DPYD: variants seen among roughly 807,000 people sequenced by gnomAD.
DPYD encodes dihydropyrimidine dehydrogenase [NADP(+)].
Under a neutral mutation model 116.2 loss-of-function variants are expected in DPYD, and 109 were observed. That is an observed-to-expected ratio of 0.94 (90% CI 0.80 to 1.10). DPYD has a LOEUF of 1.10. Ranked by LOEUF, DPYD falls within the 50% of genes least tolerant of loss-of-function variation. DPYD has a pLI of 0.00. For synonymous variants in DPYD, 440 were observed against 432.0 expected, an observed-to-expected ratio of 1.02 and a Z score of -0.23; for missense variants, 1,302 against 1,254.5, an observed-to-expected ratio of 1.04 and a Z score of -0.57.
intron 14 of DPYD, among the ~76,000 whole-genome samples, chr1:97,411,146 A>T (rs566625856): frequency 3.3e-5 from 5 of 152,294 alleles, no homozygotes; most frequent in Admixed American, 2.6e-4. Context: ...TGAGACATAA[A>T]GATTTTCATT....
intron 8 of DPYD, among the ~76,000 whole-genome samples, chr1:97,654,391 A>T (rs1352767991): frequency 6.6e-6 from 1 of 152,158 alleles, no homozygotes; most frequent in Non-Finnish European, 1.5e-5. Context: ...ATCAGCCAAT[A>T]TATAAAGATT....
intron 4 of DPYD, among the ~76,000 whole-genome samples, chr1:97,726,198 T>C (rs1009124962): frequency 6.6e-6 from 1 of 151,570 alleles, no homozygotes; most frequent in Non-Finnish European, 1.5e-5. Context: ...AACATGTACA[T>C]TCATAGGTTG....
intron 13 of DPYD, among the ~76,000 whole-genome samples, chr1:97,491,484 ATTTCCTT>A (rs1359063008): frequency 1.3e-5 from 2 of 151,832 alleles, no homozygotes; most frequent in Non-Finnish European, 2.9e-5. Context: ...CTGTGTCTTC[ATTTCCTT>A]TTTTAAGCTG....
chr1:97,515,615 A>C, intron 13 of DPYD, 111 bp downstream of exon 13: 3 of 958,674 alleles, frequency 3.1e-6, no homozygotes, highest in East Asian at 2.6e-5. Context: ...AGGTCTTGTC[A>C]AATAGTTTAA....
chr1:97,572,503 CAG>C (rs1652969372), intron 11 of DPYD, among the ~76,000 whole-genome samples: 1 of 151,868 alleles, frequency 6.6e-6, no homozygotes, highest in Non-Finnish European at 1.5e-5. Context: ...AAATAATCAA[CAG>C]AATTGCTAGT....
At chr1:97,796,413 T>A (rs370822640) in intron 3 of DPYD, among the ~76,000 whole-genome samples, 2 of 152,116 alleles carry the variant, frequency 1.3e-5, no homozygotes, top group African/African-American at 4.8e-5. Flanking sequence ...TGAGTCTACA[T>A]TGATCACAAA....
chr1:97,181,221 C>T (rs1458084767), intron 20 of DPYD, among the ~76,000 whole-genome samples: 3 of 152,120 alleles, frequency 2.0e-5, no homozygotes, highest in African/African-American at 7.2e-5. Flanking sequence ...GTAAAATGAA[C>T]CAACTTACCT....
intron 13 of DPYD, chr1:97,514,351 T>A (rs1648042159): frequency 1.6e-6 from 1 of 609,316 alleles, no homozygotes; most frequent in South Asian, 7.3e-5. Context: ...AACACCTCTT[T>A]TTTTCAGCTA....
intron 14 of DPYD, among the ~76,000 whole-genome samples, chr1:97,444,766 G>C (rs777384169): frequency 2.6e-5 from 4 of 152,060 alleles, no homozygotes; most frequent in African/African-American, 4.8e-5. Flanking sequence ...AGAGCTACTG[G>C]ACATAGGTTC....
intron 14 of DPYD, among the ~76,000 whole-genome samples, chr1:97,387,498 T>C (rs376390621): frequency 7.2e-5 from 11 of 152,080 alleles, no homozygotes; most frequent in Admixed American, 3.3e-4. Context: ...AAAGATACTT[T>C]AATTGGACCA....
Position 97,666,607 on chromosome 1 carries a change from T to TA in DPYD, c.850+12487dup, listed in dbSNP as rs925464521. On this transcript the variant is annotated intron_variant, in intron 8 of 22. Transcript: ENST00000370192. ...AACAGCAGCTTGTGTTAGTAATATT[T>TA]AAAAAAAATAACACAAGCATGGTAT... 5.7e-4 allele frequency among the ~76,000 whole-genome samples: 86 copies of TA among 152,062 alleles called. 1 individual carries two copies. Among genetic ancestry groups the TA allele is most frequent in the Admixed American group, 4.5e-3 (69 of 15,272 alleles).
intron 18 of DPYD, among the ~76,000 whole-genome samples, chr1:97,300,873 C>T (rs1666820887): frequency 6.6e-6 from 1 of 152,034 alleles, no homozygotes; most frequent in African/African-American, 2.4e-5. Context: ...TATTGATTCA[C>T]ATTTGTGCAA....
chr1:97,853,936 A>C (rs1670689879), intron 2 of DPYD, among the ~76,000 whole-genome samples: 1 of 152,198 alleles, frequency 6.6e-6, no homozygotes, highest in East Asian at 1.9e-4. Flanking sequence ...AAAGAATCTC[A>C]TATAAGAAAA....
At chr1:97,620,331 C>G (rs144426414) in intron 8 of DPYD, among the ~76,000 whole-genome samples, 163 of 152,296 alleles carry the variant, frequency 1.1e-3, no homozygotes, top group Non-Finnish European at 1.9e-3. Flanking sequence ...CCTCCAGCCT[C>G]AGCCTCCCTC....
Position 97,128,130 on chromosome 1 carries a change from A to G in DPYD, c.2623-29498T>C, listed in dbSNP as rs185094103. On this transcript the variant is annotated intron_variant, in intron 20 of 22. Coordinates refer to ENST00000370192, the MANE Select transcript of DPYD (RefSeq NM_000110.4). ...GCACTAAATAATTCTGATTAAATGAATGCATTAATCCCTTCAGAAAAAGGA... is the reference window on the plus strand; with the variant it reads ...GCACTAAATAATTCTGATTAAATGAGTGCATTAATCCCTTCAGAAAAAGGA... Among the ~76,000 whole-genome samples, 8 of 152,314 alleles carry G rather than the reference A, an allele frequency of 5.3e-5. No individual in the cohort carries two copies. In the East Asian group the frequency reaches 1.5e-3, roughly 29 times the overall value.
Position 97,637,506 on chromosome 1 carries a change from C to T in DPYD, c.850+41589G>A, listed in dbSNP as rs1033597840. Among the ~76,000 whole-genome samples, 4 of 150,706 alleles carry T rather than the reference C, an allele frequency of 2.7e-5. No homozygotes were observed. The South Asian group carries it at 6.3e-4, about 24-fold the overall frequency. The stretch of plus-strand genomic sequence containing the variant: ...AGAGTACAGGAAAAGTTTTCCCCCC[C>T]TCAACAACACAAAATACCCTAAGGT... On this transcript the variant is annotated intron_variant, in intron 8 of 22. Coordinates refer to ENST00000370192, the MANE Select transcript of DPYD (RefSeq NM_000110.4).
chr1:97,407,417 T>C (rs549787780), intron 14 of DPYD, among the ~76,000 whole-genome samples: 5 of 152,300 alleles, frequency 3.3e-5, no homozygotes, highest in Admixed American at 2.6e-4. Context: ...TTAATGCATG[T>C]TCAATTAGAT....
intron 3 of DPYD, among the ~76,000 whole-genome samples, chr1:97,772,900 A>T (rs1161394765): frequency 6.6e-6 from 1 of 152,168 alleles, no homozygotes; most frequent in Non-Finnish European, 1.5e-5. Context: ...TCTGAAGAGG[A>T]TGGATGGTCT....
intron 12 of DPYD, among the ~76,000 whole-genome samples, chr1:97,541,857 G>A (rs538256543): frequency 3.9e-4 from 60 of 152,026 alleles, no homozygotes; most frequent in Admixed American, 3.3e-3. Flanking sequence ...ATTATCTTTC[G>A]TATTCAGTAA....
Sources: allele counts gnomAD v4.1 joint callset (sites outside exome capture counted in the v4.1 genomes callset), GRCh38; gene constraint gnomAD v4.1.1; transcripts MANE v1.5; gene names NCBI Gene and HGNC (gene_info 2026-07-23, HGNC 2026-07-21).